The following GRIK2 variants were observed in gnomAD, a reference collection of about 807,000 sequenced individuals.
The protein encoded by GRIK2 is glutamate receptor ionotropic, kainate 2.
Under a neutral mutation model 100.3 loss-of-function variants are expected in GRIK2, and 32 were observed. That is an observed-to-expected ratio of 0.32 (90% CI 0.24 to 0.43). The LOEUF (loss-of-function observed/expected upper bound fraction) is 0.43, where lower values mean the gene tolerates loss of function less well. GRIK2 is among the 20% of genes least tolerant of loss of function. GRIK2 has a pLI of 1.00. For synonymous variants in GRIK2, 417 were observed against 389.4 expected, an observed-to-expected ratio of 1.07 and a Z score of -0.83; for missense variants, 843 against 1,114.9, an observed-to-expected ratio of 0.76 and a Z score of 3.47.
chr6:101,956,007 T>G (rs1791914756), intron 14 of GRIK2, among the ~76,000 whole-genome samples: 1 of 152,132 alleles, frequency 6.6e-6, no homozygotes, highest in Admixed American at 6.5e-5. Context: ...GAGGTCATTT[T>G]TCTTTTTAAA....
chr6:101,834,864 G>T (rs536958035), intron 10 of GRIK2, among the ~76,000 whole-genome samples: 70 of 152,110 alleles, frequency 4.6e-4, no homozygotes, highest in South Asian at 3.9e-3. Flanking sequence ...AAATAGCCAG[G>T]AATTTTGACA....
intron 2 of GRIK2, among the ~76,000 whole-genome samples, chr6:101,453,380 T>G (rs1770818845): frequency 6.6e-6 from 1 of 151,984 alleles, no homozygotes; most frequent in Admixed American, 6.6e-5. Flanking sequence ...AATTGCCAGC[T>G]TTGAGGGTAT....
At chr6:101,781,296 GACA>G (rs778950958) in intron 7 of GRIK2, among the ~76,000 whole-genome samples, 4 of 152,022 alleles carry the variant, frequency 2.6e-5, no homozygotes, top group African/African-American at 4.8e-5. Flanking sequence ...CTCCTTCCAG[GACA>G]ACGACTGGAA....
chr6:101,829,720 GACAAA>G (rs1315875480), intron 10 of GRIK2, among the ~76,000 whole-genome samples: 1 of 151,662 alleles, frequency 6.6e-6, no homozygotes, highest in Non-Finnish European at 1.5e-5. Flanking sequence ...GAGCACTAAA[GACAAA>G]ACAACAACAA....
chr6:101,555,580 T>A (rs1036467717), intron 2 of GRIK2, among the ~76,000 whole-genome samples: 1 of 152,230 alleles, frequency 6.6e-6, no homozygotes, highest in African/African-American at 2.4e-5. Context: ...TTTTATGTAA[T>A]AGTCTTTCTA....
At chr6:101,443,558 T>G (rs1306334389) in intron 2 of GRIK2, among the ~76,000 whole-genome samples, 2 of 152,090 alleles carry the variant, frequency 1.3e-5, no homozygotes. Context: ...GAGACAACAA[T>G]AAAGCTAAAG....
intron 2 of GRIK2, among the ~76,000 whole-genome samples, chr6:101,588,668 GCA>G (rs554114141): frequency 3.5e-5 from 5 of 143,112 alleles, no homozygotes; most frequent in African/African-American, 8.1e-5. Context: ...ACACGCACAC[GCA>G]CACACACACA....
chr6:101,855,690 T>C (rs558453648), intron 10 of GRIK2, among the ~76,000 whole-genome samples: 2 of 152,272 alleles, frequency 1.3e-5, no homozygotes, highest in South Asian at 2.1e-4. Context: ...GAATAGGCCT[T>C]GAAGACCAGC....
chr6:101,868,304 T>C (rs1378665840), intron 11 of GRIK2, among the ~76,000 whole-genome samples: 4 of 151,434 alleles, frequency 2.6e-5, no homozygotes, highest in Non-Finnish European at 5.9e-5. Context: ...ACAAAATGTA[T>C]GTAAAAATGA....
chr6:101,631,739 C>T (rs576824806), intron 4 of GRIK2, among the ~76,000 whole-genome samples: 3 of 152,002 alleles, frequency 2.0e-5, no homozygotes, highest in Non-Finnish European at 4.4e-5. Context: ...TTTTTTCCTA[C>T]CCCCTACCAC....
intron 14 of GRIK2, among the ~76,000 whole-genome samples, chr6:101,975,248 G>A (rs1277421992): frequency 6.6e-6 from 1 of 151,936 alleles, no homozygotes; most frequent in African/African-American, 2.4e-5. Context: ...GGCCTAGAGA[G>A]ATTAGGTTTG....
At chr6:101,811,022 T>A (rs73512754) in intron 9 of GRIK2, among the ~76,000 whole-genome samples, 1 of 152,092 alleles carries the variant, frequency 6.6e-6, no homozygotes, top group East Asian at 1.9e-4. Flanking sequence ...CTCTTTCTTA[T>A]GCTTTCTATT....
intron 12 of GRIK2, among the ~76,000 whole-genome samples, chr6:101,921,247 G>A (rs576283718): frequency 3.3e-5 from 5 of 149,340 alleles, no homozygotes; most frequent in African/African-American, 1.2e-4. Flanking sequence ...GCAGGTGATG[G>A]TATTAACAGA....
intron 2 of GRIK2, among the ~76,000 whole-genome samples, chr6:101,435,779 G>T (rs1056052180): frequency 1.3e-5 from 2 of 152,020 alleles, no homozygotes; most frequent in African/African-American, 4.8e-5. Context: ...CTTGGACTCA[G>T]AATCTTAGAT....
chr6:101,728,221 G>A (rs9404132), intron 7 of GRIK2, among the ~76,000 whole-genome samples: 17,902 of 152,038 alleles, frequency 0.12, 1,235 homozygotes, highest in South Asian at 0.2. Context: ...TTTGAAACTA[G>A]TTTGGTTAAC....
At chr6:101,638,150 A>G (rs1394157608) in intron 4 of GRIK2, among the ~76,000 whole-genome samples, 1 of 150,722 alleles carries the variant, frequency 6.6e-6, no homozygotes, top group African/African-American at 2.4e-5. Context: ...CTTACAATTT[A>G]TTTACCTATT....
intron 9 of GRIK2, among the ~76,000 whole-genome samples, chr6:101,808,300 T>C (rs977295297): frequency 6.6e-6 from 1 of 152,192 alleles, no homozygotes; most frequent in South Asian, 2.1e-4. Context: ...CATTGCAAGA[T>C]GAGCTACCTA....
At chr6:101,573,333 A>G (rs1281775375) in intron 2 of GRIK2, among the ~76,000 whole-genome samples, 1 of 152,168 alleles carries the variant, frequency 6.6e-6, no homozygotes, top group Admixed American at 6.5e-5. Context: ...ACTACTGGTC[A>G]TAGATTGCTC....
At position 101,449,492 on chromosome 6, in the gene GRIK2, T is replaced by C. The variant is rs531169051; in HGVS notation, c.115+50100T>C. 3.3e-5 allele frequency among the ~76,000 whole-genome samples: 5 copies of C among 151,766 alleles called. No individual in the cohort carries two copies. The East Asian group carries it at 9.7e-4, about 29-fold the overall frequency. ...AACATGCTAATTTATTTAATATAAA[T>C]TTTACACAACAAGGGAGGCTTTGGA... On this transcript the variant is annotated intron_variant, in intron 2 of 16. Coordinates refer to ENST00000369134, the MANE Select transcript of GRIK2 (RefSeq NM_021956.5).
Sources: gnomAD v4.1 joint callset for allele counts (sites outside exome capture counted in the v4.1 genomes callset) on GRCh38, gnomAD v4.1.1 for gene constraint, MANE v1.5 for transcripts, NCBI Gene and HGNC (gene_info 2026-07-23, HGNC 2026-07-21) for gene names.